BCL7B: variants seen among roughly 807,000 people sequenced by gnomAD.
BCL7B encodes the protein BAF chromatin remodeling complex subunit BCL7B, also known as B-cell CLL/lymphoma 7 protein family member B.
A neutral mutation model predicts 26.5 loss-of-function variants in BCL7B; 11 were observed. That is an observed-to-expected ratio of 0.42 (90% confidence interval 0.26 to 0.69). The LOEUF is 0.69. BCL7B is among the 30% of genes least tolerant of loss of function. BCL7B has a pLI of 0.28. For missense variants in BCL7B, 215 were observed against 264.4 expected, an observed-to-expected ratio of 0.81 and a Z score of 1.30; for synonymous variants, 111 against 107.9, an observed-to-expected ratio of 1.03 and a Z score of -0.18.
chr7:73,548,016 G>C (rs181927920), intron 2 of BCL7B, among the ~76,000 whole-genome samples: 310 of 152,210 alleles, frequency 2.0e-3, no homozygotes, highest in Middle Eastern at 6.8e-3. Flanking sequence ...GCTACTGGGA[G>C]GCTAGGCACC....
At chr7:73,543,740 T>C in intron 2 of BCL7B, 96 bp from the exon 3 acceptor site, 2 of 991,880 alleles carry the variant, frequency 2.0e-6, no homozygotes, top group Non-Finnish European at 3.1e-6. Context: ...AGGTCTGGAT[T>C]AGGACTGAAC....
intron 1 of BCL7B, among the ~76,000 whole-genome samples, chr7:73,556,526 A>ACTT (rs1792365155): frequency 6.6e-6 from 1 of 152,168 alleles, no homozygotes. Flanking sequence ...AAAAGAGCTG[A>ACTT]CGAAGTTGGC....
intron 2 of BCL7B, among the ~76,000 whole-genome samples, chr7:73,546,917 C>T (rs1554583532): frequency 6.7e-6 from 1 of 150,360 alleles, no homozygotes; most frequent in African/African-American, 2.4e-5. Flanking sequence ...GTAATCCCAG[C>T]ACTTTGGGAG....
chr7:73,540,318 G>T, intron 3 of BCL7B: 1 of 396,384 alleles, frequency 2.5e-6, no homozygotes, highest in Non-Finnish European at 4.7e-6. Flanking sequence ...GCTTGTGGAA[G>T]GGAGGGATGT....
chr7:73,540,448 C>G (rs1791712855), intron 3 of BCL7B: 1 of 180,802 alleles, frequency 5.5e-6, no homozygotes, highest in African/African-American at 2.3e-5. Context: ...AGGTGGTGAG[C>G]TCAGGCTTCG....
Position 73,537,343 on chromosome 7 carries a change from G to C in BCL7B, c.564C>G (p.Phe188Leu). 1.2e-6 allele frequency: 2 copies of C among 1,614,176 alleles called. No homozygotes were observed. Among genetic ancestry groups the C allele is most frequent in the Non-Finnish European group, 1.7e-6 (2 of 1,180,028 alleles). ...GCGGCACTGTGGGTTGGTCCACACA[G>C]AAGCGCTTCAGGGGCGGGGCACCTG... is the stretch of plus-strand genomic sequence containing the variant. ...EDSGAPPLKRFCVDQPTVPQT... is the reference protein window; with the variant it reads ...EDSGAPPLKRLCVDQPTVPQT... Residue 188 changes from phenylalanine to leucine, a missense_variant, in exon 6 of 6, where the codon TTC (phenylalanine) becomes TTG (leucine). Physicochemically the swap from Phe to Leu is conservative, Grantham distance 22 (BLOSUM62 0). Transcript: ENST00000223368.
intron 1 of BCL7B, chr7:73,553,554 T>C (rs1554584401): frequency 1.3e-5 from 2 of 151,994 alleles, no homozygotes; most frequent in Non-Finnish European, 2.9e-5. Context: ...GCACCTGTAG[T>C]CCCAGCTACT....
At chr7:73,537,837 G>A (rs978733484) in intron 5 of BCL7B, 97 bp downstream of exon 5, 5 of 824,048 alleles carry the variant, frequency 6.1e-6, no homozygotes, top group Admixed American at 2.8e-5. Flanking sequence ...GTTGTAGTGA[G>A]CCAGGATCGC....
At chr7:73,538,815 T>TAAAAAAA (rs1159395373) in intron 4 of BCL7B, among the ~76,000 whole-genome samples, 6 of 94,570 alleles carry the variant, frequency 6.3e-5, no homozygotes, top group African/African-American at 1.9e-4. Flanking sequence ...CCTATCTCTT[T>TAAAAAAA]AAAAAAAAAA....
rs1554582186 is a variant in BCL7B, at chr7:73,537,012, T to A, written c.*286A>T. 3.0e-6 allele frequency: 1 copy of A among 335,174 alleles called. No individual in the cohort carries two copies. The highest frequency in any genetic ancestry group is 5.6e-6 in the Non-Finnish European group (1 of 178,668). 20.8% of individuals were successfully genotyped at this position (335,174 alleles called of 1,614,324 possible). ...CGTCCAGAGATTCTGGAGCAGAGAC[T>A]GCTGCCTGGAGGTCACAGATGAATC... On this transcript the variant is annotated 3_prime_UTR_variant, in exon 6 of 6. Transcript: ENST00000223368.
intron 4 of BCL7B, 88 bp from the exon 5 acceptor site, chr7:73,538,101 T>C (rs929321159): frequency 1.4e-4 from 107 of 776,836 alleles, no homozygotes; most frequent in Non-Finnish European, 4.9e-5. Context: ...TGGAGGTGGC[T>C]TGGTGAGGAG....
intron 1 of BCL7B, among the ~76,000 whole-genome samples, chr7:73,555,401 C>CAAAAAAAA (rs71517395): frequency 7.3e-6 from 1 of 136,768 alleles, no homozygotes; most frequent in African/African-American, 2.9e-5. Flanking sequence ...GACTCTGTCT[C>CAAAAAAAA]AAAAAAAAAG....
chr7:73,539,715 C>A (rs1791682081), intron 4 of BCL7B, 167 bp downstream of exon 4: 2 of 777,212 alleles, frequency 2.6e-6, no homozygotes, highest in African/African-American at 3.5e-5. Context: ...TTCTCCCTTC[C>A]CTCTGTGAAA....
chr7:73,538,825 A>T (rs1554582442), intron 4 of BCL7B, among the ~76,000 whole-genome samples: 1 of 151,522 alleles, frequency 6.6e-6, no homozygotes, highest in East Asian at 1.9e-4. Flanking sequence ...TAAAAAAAAA[A>T]AAAAAAAAAA....
chr7:73,555,231 A>T (rs1792317488), intron 1 of BCL7B, among the ~76,000 whole-genome samples: 1 of 151,962 alleles, frequency 6.6e-6, no homozygotes. Flanking sequence ...ACATGGTGAA[A>T]CCCGGTCTCC....
Position 73,539,929 on chromosome 7 carries a change from C to G in BCL7B, c.389G>C (p.Arg130Pro). Reference protein sequence around the residue: ...SLSPAHTSDFRTDDSQPPTLG... With the variant: ...SLSPAHTSDFPTDDSQPPTLG... The stretch of plus-strand genomic sequence containing the variant: ...CGTTGGGGGCTGGGAGTCATCCGTG[C>G]GGAAGTCGGAGGTGTGTGCTGGGCT... The change falls in exon 4 of 6, where the codon CGC becomes CCC. Residue 130 changes from arginine (R) to proline (P), a missense_variant. By Grantham distance (103) the Arg-to-Pro change is moderately radical. Transcript: ENST00000223368. 6.2e-7 allele frequency: 1 copy of G among 1,613,934 alleles called. No individual in the cohort carries two copies. The highest frequency in any genetic ancestry group is 8.5e-7 in the Non-Finnish European group (1 of 1,180,006).
At chr7:73,539,665 T>C in intron 4 of BCL7B, 1 of 531,660 alleles carries the variant, frequency 1.9e-6, no homozygotes, top group Non-Finnish European at 3.3e-6. Context: ...AATACTCAAG[T>C]TCCTTCCACA....
At chr7:73,540,247 T>C (rs1791705288) in intron 3 of BCL7B, 195 bp from the exon 4 acceptor site, 4 of 599,072 alleles carry the variant, frequency 6.7e-6, no homozygotes, top group Non-Finnish European at 1.2e-5. Flanking sequence ...TTATGCAACA[T>C]TACACTTTAG....
chr7:73,543,686 G>C, intron 2 of BCL7B, 42 bp from the exon 3 acceptor site: 15 of 1,503,686 alleles, frequency 1.0e-5, no homozygotes, highest in Non-Finnish European at 1.4e-5. Flanking sequence ...AGCCAAGCAG[G>C]AGACTCACAG....
Sources: allele counts gnomAD v4.1 joint callset (sites outside exome capture counted in the v4.1 genomes callset), GRCh38; gene constraint gnomAD v4.1.1; transcripts MANE v1.5; gene names NCBI Gene and HGNC (gene_info 2026-07-23, HGNC 2026-07-21).